Variants in SOX5 observed in about 807,000 individuals in gnomAD.
SOX5 encodes the protein SRY-box transcription factor 5, also known as transcription factor SOX-5.
A neutral mutation model predicts 92.0 loss-of-function variants in SOX5; 9 were observed. The ratio of observed to expected loss-of-function variants is 0.10; its 90% CI spans 0.06 to 0.17. SOX5 has a LOEUF of 0.17. Among genes scored for constraint, SOX5 ranks in the 10% least tolerant of loss-of-function variants. The probability of loss-of-function intolerance (pLI) is 1.00; values close to 1 mark genes in which losing one functional copy is unlikely to be tolerated. For synonymous variants in SOX5, 344 were observed against 336.3 expected, an observed-to-expected ratio of 1.02 and a Z score of -0.25; for missense variants, 642 against 944.5, an observed-to-expected ratio of 0.68 and a Z score of 4.20.
At chr12:24,258,927 G>A (rs893168650) in intron 3 of SOX5, among the ~76,000 whole-genome samples, 1 of 152,130 alleles carries the variant, frequency 6.6e-6, no homozygotes, top group Non-Finnish European at 1.5e-5. Context: ...GTTAGACAAC[G>A]GCAGTCAAGT....
At chr12:24,012,251 T>C (rs757759078) in intron 4 of SOX5, among the ~76,000 whole-genome samples, 2 of 152,182 alleles carry the variant, frequency 1.3e-5, no homozygotes, top group African/African-American at 2.4e-5. Context: ...GCAACTAGAA[T>C]GAAGTATGTT....
rs34975795 is a variant in SOX5, at chr12:23,674,336, A to ATTTTTTTTTT, written c.811-8782_811-8773dup. 1.7e-3 allele frequency among the ~76,000 whole-genome samples: 170 copies of ATTTTTTTTTT among 97,370 alleles called. 19 individuals carry two copies. The highest frequency in any genetic ancestry group is 4.0e-3 in the South Asian group (11 of 2,726). The allele number at this position is 97,370 out of a possible 152,430, so 63.9% of individuals were successfully genotyped here. A position where few individuals can be genotyped will look rare whatever the true frequency, so the allele number is the denominator to read the frequency against. On this transcript the variant is annotated intron_variant, in intron 6 of 14. Transcript: ENST00000451604. ...AAATATTTTCTTACCATAAAAAGGAATTTTTTTTTTTTTTTTTTGAGACGG... is the reference window on the plus strand; with the variant it reads ...AAATATTTTCTTACCATAAAAAGGAATTTTTTTTTTTTTTTTTTTTTTTTTTTTGAGACGG...
chr12:23,587,532 T>A (rs1463110464), intron 9 of SOX5, among the ~76,000 whole-genome samples: 3 of 152,110 alleles, frequency 2.0e-5, no homozygotes, highest in Non-Finnish European at 4.4e-5. Context: ...TCTGAAGAAT[T>A]TTTTCTATCC....
chr12:23,694,901 C>T (rs2089528499), intron 6 of SOX5, among the ~76,000 whole-genome samples: 1 of 151,982 alleles, frequency 6.6e-6, no homozygotes, highest in African/African-American at 2.4e-5. Context: ...GAAAGATCAC[C>T]TGAGCTCAGG....
intron 9 of SOX5, among the ~76,000 whole-genome samples, chr12:23,590,467 T>G (rs1389536198): frequency 6.6e-6 from 1 of 152,008 alleles, no homozygotes; most frequent in Non-Finnish European, 1.5e-5. Context: ...TTGCACAGAC[T>G]GTTTCCATTT....
At chr12:24,188,363 A>G (rs1956211578) in intron 4 of SOX5, among the ~76,000 whole-genome samples, 1 of 152,198 alleles carries the variant, frequency 6.6e-6, no homozygotes, top group East Asian at 1.9e-4. Context: ...TTTATTCTTT[A>G]TAATAGCAAA....
intron 2 of SOX5, among the ~76,000 whole-genome samples, chr12:24,336,089 TTTTG>T (rs898177701): frequency 6.7e-6 from 1 of 148,786 alleles, no homozygotes; most frequent in African/African-American, 2.5e-5. Context: ...TTTGTGTGTT[TTTTG>T]TTTGTTTGTT....
intron 3 of SOX5, among the ~76,000 whole-genome samples, chr12:23,804,586 G>T (rs771774824): frequency 1.3e-5 from 2 of 151,828 alleles, no homozygotes; most frequent in African/African-American, 2.4e-5. Context: ...ATCTAATTTG[G>T]TTTCCTTTTC....
intron 1 of SOX5, among the ~76,000 whole-genome samples, chr12:24,445,805 G>C (rs1941381908): frequency 6.6e-6 from 1 of 152,190 alleles, no homozygotes; most frequent in African/African-American, 2.4e-5. Context: ...GACATACAGG[G>C]AGGGCTTGGA....
intron 3 of SOX5, chr12:24,227,503 G>A (rs1452362291): frequency 3.3e-5 from 5 of 152,168 alleles, no homozygotes; most frequent in African/African-American, 1.2e-4. Context: ...ATGTGAAATA[G>A]GTTAATGCTT....
intron 2 of SOX5, among the ~76,000 whole-genome samples, chr12:24,329,022 T>G (rs558246): frequency 0.12 from 18,068 of 152,238 alleles, 1,436 homozygotes; most frequent in Non-Finnish European, 0.17. Context: ...TATTAACACT[T>G]AAGGTTTCTC....
chr12:24,140,240 G>C (rs1422078649), intron 4 of SOX5, among the ~76,000 whole-genome samples: 1 of 152,078 alleles, frequency 6.6e-6, no homozygotes, highest in Non-Finnish European at 1.5e-5. Flanking sequence ...GAAGCTATGG[G>C]GGTAAGGGAG....
At chr12:23,838,807 A>G (rs2096469188) in intron 3 of SOX5, among the ~76,000 whole-genome samples, 1 of 128,474 alleles carries the variant, frequency 7.8e-6, no homozygotes, top group African/African-American at 3.0e-5. Context: ...CTTACTAGAT[A>G]TTACCCTTTT....
At chr12:24,537,827 C>A (rs1951772146) in intron 1 of SOX5, among the ~76,000 whole-genome samples, 1 of 152,170 alleles carries the variant, frequency 6.6e-6, no homozygotes, top group Non-Finnish European at 1.5e-5. Context: ...TCAGTCCATC[C>A]CCTGGGAAGT....
rs77861666 is a variant in SOX5 at position 23,631,255 on chromosome 12, C to T, written c.1017+9557G>A. ...CTCTTATTTAGGTAAAATTTTACTC[C>T]GAAGATTGAATTTGTCTTCATAAAA... On this transcript the variant is annotated intron_variant, in intron 8 of 14. Coordinates refer to ENST00000451604, the MANE Select transcript of SOX5 (RefSeq NM_006940.6). 5.8e-3 allele frequency among the ~76,000 whole-genome samples: 879 copies of T among 151,728 alleles called. 10 individuals carry two copies. The highest frequency in any genetic ancestry group is 0.02 in the African/African-American group (821 of 41,414).
At chr12:23,632,107 G>T (rs183760063) in intron 8 of SOX5, 5 of 152,112 alleles carry the variant, frequency 3.3e-5, no homozygotes, top group East Asian at 1.9e-4. Context: ...TGTTGTTGGG[G>T]TTTTTTTGCC....
intron 9 of SOX5, chr12:23,604,154 C>T (rs2074933814): frequency 2.4e-6 from 1 of 424,600 alleles, no homozygotes; most frequent in Non-Finnish European, 4.3e-6. Context: ...TCTTTTTTAT[C>T]TCTCACATTT....
Position 24,528,758 on chromosome 12 carries a change from A to C in SOX5, c.-251+33571T>G, listed in dbSNP as rs1344819244. Among the ~76,000 whole-genome samples the C allele has an allele frequency of 2.6e-5, 4 of 152,300 alleles. No homozygotes were observed. The East Asian group carries it at 7.7e-4, about 29-fold the overall frequency. On this transcript the variant is annotated intron_variant, in intron 1 of 4. Transcript: ENST00000446891. ...CCAGCATCCTCAGTGGATCTAGAGG[A>C]AGCATTTATAGGCTATGGAATAGTG...
chr12:24,379,993 CAA>C (rs1204679539), intron 1 of SOX5, among the ~76,000 whole-genome samples: 8 of 151,122 alleles, frequency 5.3e-5, no homozygotes, highest in African/African-American at 1.9e-4. Context: ...AATGAAAATT[CAA>C]AAGACACATG....
Sources: allele counts gnomAD v4.1 joint callset (sites outside exome capture counted in the v4.1 genomes callset), GRCh38; gene constraint gnomAD v4.1.1; transcripts MANE v1.5; gene names NCBI Gene and HGNC (gene_info 2026-07-23, HGNC 2026-07-21).